NCAM2: variants seen among roughly 807,000 people sequenced by gnomAD.
NCAM2 encodes N-CAM-2.
In NCAM2, 30 loss-of-function variants were observed where a neutral mutation model predicts 98.1. That is an observed-to-expected ratio of 0.31 (90% CI 0.23 to 0.41). The LOEUF (loss-of-function observed/expected upper bound fraction) is 0.41, where lower values mean the gene tolerates loss of function less well. NCAM2 is among the 10% of genes least tolerant of loss of function. The pLI is 1.00. For missense variants in NCAM2, 867 were observed against 1,005.8 expected, an observed-to-expected ratio of 0.86 and a Z score of 1.87; for synonymous variants, 368 against 342.4, an observed-to-expected ratio of 1.07 and a Z score of -0.83.
chr21:21,491,027 G>A (rs1331367765), intron 15 of NCAM2, among the ~76,000 whole-genome samples: 1 of 151,474 alleles, frequency 6.6e-6, no homozygotes, highest in Non-Finnish European at 1.5e-5. Flanking sequence ...TTTTGTCCTT[G>A]TCGAGTGTTG....
chr21:21,057,505 C>T (rs1216448490), intron 1 of NCAM2, among the ~76,000 whole-genome samples: 1 of 152,042 alleles, frequency 6.6e-6, no homozygotes, highest in Non-Finnish European at 1.5e-5. Context: ...TGTACAGTGT[C>T]GGAGCACTTA....
Position 21,477,376 on chromosome 21 carries a change from G to A in NCAM2, c.1982G>A (p.Gly661Glu). ...TTGGAGCATCTCCAGTGGACCATGG[G>A]GTATGAAGTTCAGATTACAGCTGCC... ...IILEHLQWTM[G>E]YEVQITAANR... The change falls in exon 15 of 18, where the codon GGG becomes GAG. Residue 661 changes from glycine to glutamate, a missense_variant. Transcript: ENST00000400546. The A allele has an allele frequency of 2.5e-6, 4 of 1,612,486 alleles. No homozygotes were observed. The highest frequency in any genetic ancestry group is 3.4e-6 in the Non-Finnish European group (4 of 1,178,928).
At chr21:21,053,996 T>C (rs987190351) in intron 1 of NCAM2, among the ~76,000 whole-genome samples, 5 of 151,898 alleles carry the variant, frequency 3.3e-5, no homozygotes, top group African/African-American at 4.8e-5. Context: ...TGTTATGATT[T>C]CCGTGTAAGT....
chr21:21,204,084 C>A (rs2826732), intron 1 of NCAM2, among the ~76,000 whole-genome samples: 2 of 151,810 alleles, frequency 1.3e-5, no homozygotes, highest in Non-Finnish European at 2.9e-5. Flanking sequence ...TCTAACATAC[C>A]TGTTTACCTT....
intron 12 of NCAM2, among the ~76,000 whole-genome samples, chr21:21,452,195 CAT>C (rs1226700003): frequency 3.0e-4 from 30 of 98,662 alleles, no homozygotes; most frequent in African/African-American, 4.6e-4. Context: ...CACACACACA[CAT>C]AGATGTATGT....
rs372423792 is a variant in NCAM2 at position 21,153,259 on chromosome 21, A to G, written c.56-127319A>G. On this transcript the variant is annotated intron_variant, in intron 1 of 17. Coordinates refer to ENST00000400546, the MANE Select transcript of NCAM2 (RefSeq NM_004540.5). ...ACATCTGGAAGACAATTCCATTATC[A>G]TTTTGTTTGACTCTTTCAGATCTTA... 7.4e-5 allele frequency among the ~76,000 whole-genome samples: 11 copies of G among 149,120 alleles called. No homozygotes were observed. In the South Asian group the frequency reaches 1.5e-3, roughly 20 times the overall value.
chr21:21,031,777 ATCTC>A (rs1174379270), intron 1 of NCAM2, among the ~76,000 whole-genome samples: 3 of 148,626 alleles, frequency 2.0e-5, no homozygotes, highest in East Asian at 2.0e-4. Flanking sequence ...CTCTCGATAT[ATCTC>A]TCTCTCTCAA....
chr21:21,517,776 T>G (rs2146379393), intron 16 of NCAM2, among the ~76,000 whole-genome samples: 1 of 152,224 alleles, frequency 6.6e-6, no homozygotes, highest in Non-Finnish European at 1.5e-5. Context: ...GAGAATCGCT[T>G]GAACCTGGGG....
intron 1 of NCAM2, among the ~76,000 whole-genome samples, chr21:21,134,737 G>T (rs1445266023): frequency 2.9e-5 from 4 of 135,956 alleles, no homozygotes; most frequent in African/African-American, 5.5e-5. Flanking sequence ...CTGAGTTATG[G>T]TCTCACTCTG....
chr21:21,210,106 A>G (rs2069592104), intron 1 of NCAM2, among the ~76,000 whole-genome samples: 1 of 152,234 alleles, frequency 6.6e-6, no homozygotes, highest in Non-Finnish European at 1.5e-5. Context: ...ATGGAAATGC[A>G]TTGATAGATC....
At chr21:21,327,550 T>G (rs2074552925) in intron 6 of NCAM2, among the ~76,000 whole-genome samples, 3 of 152,138 alleles carry the variant, frequency 2.0e-5, no homozygotes, top group Admixed American at 2.0e-4. Flanking sequence ...CGAAAGTAGA[T>G]AATTGGTTGC....
chr21:21,511,559 G>A (rs866467125), intron 16 of NCAM2, among the ~76,000 whole-genome samples: 7 of 151,810 alleles, frequency 4.6e-5, no homozygotes, highest in African/African-American at 1.7e-4. Flanking sequence ...CAATAAACAT[G>A]GGAGTACAAA....
chr21:21,156,981 G>A (rs1392329648), intron 1 of NCAM2, among the ~76,000 whole-genome samples: 1 of 151,772 alleles, frequency 6.6e-6, no homozygotes, highest in Non-Finnish European at 1.5e-5. Context: ...AATTATTATT[G>A]GTAAAAATTT....
chr21:21,009,201 T>TAA (rs1313600276), intron 1 of NCAM2, among the ~76,000 whole-genome samples: 7 of 152,156 alleles, frequency 4.6e-5, no homozygotes, highest in Non-Finnish European at 1.0e-4. Context: ...ATTGACTGAT[T>TAA]TTAAAAAGCA....
At chr21:21,161,610 A>G (rs2067787684) in intron 1 of NCAM2, among the ~76,000 whole-genome samples, 1 of 151,770 alleles carries the variant, frequency 6.6e-6, no homozygotes, top group African/African-American at 2.4e-5. Context: ...AGAGAGCAAG[A>G]TAACATGTAT....
At chr21:21,034,964 A>T (rs1479428599) in intron 1 of NCAM2, among the ~76,000 whole-genome samples, 1 of 152,168 alleles carries the variant, frequency 6.6e-6, no homozygotes, top group Non-Finnish European at 1.5e-5. Context: ...TAGGTTAGGA[A>T]ACCAGGAGGA....
At chr21:21,468,851 A>G in intron 14 of NCAM2, 68 bp downstream of exon 14, 1 of 1,413,030 alleles carries the variant, frequency 7.1e-7, no homozygotes. Flanking sequence ...CACTGAATTT[A>G]TAAACATATC....
intron 7 of NCAM2, among the ~76,000 whole-genome samples, chr21:21,336,192 A>G (rs966559689): frequency 8.5e-5 from 13 of 152,148 alleles, no homozygotes; most frequent in African/African-American, 3.1e-4. Flanking sequence ...ATAATGACGT[A>G]GCTTCAATTA....
rs1334175254 is a variant in NCAM2 at position 21,540,154 on chromosome 21, A to G, written c.*2197A>G. The G allele has an allele frequency of 6.6e-6, 1 of 152,034 alleles. No individual in the cohort carries two copies. Among genetic ancestry groups the G allele is most frequent in the Non-Finnish European group, 1.5e-5 (1 of 68,000 alleles). The allele number at this position is 152,034 out of a possible 1,614,324, so 9.4% of individuals were successfully genotyped here. A position where few individuals can be genotyped will look rare whatever the true frequency, so the allele number is the denominator to read the frequency against. On this transcript the variant is annotated 3_prime_UTR_variant, in exon 18 of 18. Transcript: ENST00000400546. Reference sequence around the variant, plus strand: ...CGTGCTTTACTTCAAGAGTGCAGAAATCATAATAAATAACAAACTATTTTT... The same window carrying G: ...CGTGCTTTACTTCAAGAGTGCAGAAGTCATAATAAATAACAAACTATTTTT...
Sources: gnomAD v4.1 joint callset for allele counts (sites outside exome capture counted in the v4.1 genomes callset) on GRCh38, gnomAD v4.1.1 for gene constraint, MANE v1.5 for transcripts, NCBI Gene and HGNC (gene_info 2026-07-23, HGNC 2026-07-21) for gene names.